The following KHDRBS3 variants were observed in gnomAD, a reference collection of about 807,000 sequenced individuals.
KHDRBS3 encodes KH RNA binding domain containing, signal transduction associated 3, also known as KH domain-containing, RNA-binding, signal transduction-associated protein 3.
KHDRBS3 carries 23 observed loss-of-function variants against 45.6 expected under a neutral mutation model. The ratio of observed to expected loss-of-function variants is 0.50; its 90% CI spans 0.36 to 0.72. The LOEUF (loss-of-function observed/expected upper bound fraction) is 0.72, where lower values mean the gene tolerates loss of function less well. Among genes scored for constraint, KHDRBS3 ranks in the 30% least tolerant of loss-of-function variants. The pLI is 0.00. For missense variants in KHDRBS3, 352 were observed against 424.8 expected (o/e 0.83, Z 1.51); for synonymous variants, 162 against 156.5 (o/e 1.04, Z -0.26).
intron 2 of KHDRBS3, among the ~76,000 whole-genome samples, chr8:135,524,515 T>C (rs915070679): frequency 6.6e-6 from 1 of 152,202 alleles, no homozygotes; most frequent in Non-Finnish European, 1.5e-5. Flanking sequence ...GGTATGACAC[T>C]AGACAGATTT....
At position 135,566,828 on chromosome 8, in the gene KHDRBS3, A is replaced by G. The variant is rs994234157; in HGVS notation, c.611+9241A>G. Among the ~76,000 whole-genome samples the G allele has an allele frequency of 2.6e-5, 4 of 152,236 alleles. No individual in the cohort carries two copies. The South Asian group carries it at 8.3e-4, about 31-fold the overall frequency. ...TTGCAGTGAGCCGAGATGGTTATAA[A>G]AACAAAAAGTTCTGTTTGAATATTC... is the stretch of plus-strand genomic sequence containing the variant. On this transcript the variant is annotated intron_variant, in intron 5 of 8. Coordinates refer to ENST00000355849, the MANE Select transcript of KHDRBS3 (RefSeq NM_006558.3).
intron 3 of KHDRBS3, among the ~76,000 whole-genome samples, chr8:135,547,595 TC>T (rs1177517035): frequency 6.6e-6 from 1 of 152,138 alleles, no homozygotes; most frequent in Non-Finnish European, 1.5e-5. Flanking sequence ...TTCAAATTAG[TC>T]AAGTAACAGA....
At chr8:135,590,831 G>T (rs2130961037) in intron 6 of KHDRBS3, among the ~76,000 whole-genome samples, 1 of 152,274 alleles carries the variant, frequency 6.6e-6, no homozygotes, top group Non-Finnish European at 1.5e-5. Context: ...AATTATGATT[G>T]CATCAGCTCT....
chr8:135,578,469 G>T (rs1189637049), intron 5 of KHDRBS3, among the ~76,000 whole-genome samples: 2 of 148,454 alleles, frequency 1.3e-5, no homozygotes, highest in South Asian at 2.1e-4. Context: ...TATACCATTT[G>T]TTGAAAAAAA....
At chr8:135,525,804 C>A (rs1318339598) in intron 2 of KHDRBS3, among the ~76,000 whole-genome samples, 2 of 152,078 alleles carry the variant, frequency 1.3e-5, no homozygotes, top group African/African-American at 4.8e-5. Flanking sequence ...AGATTATAGA[C>A]CCTGTCTTTA....
At chr8:135,584,011 C>T (rs750820433) in intron 6 of KHDRBS3, among the ~76,000 whole-genome samples, 1 of 152,188 alleles carries the variant, frequency 6.6e-6, no homozygotes, top group African/African-American at 2.4e-5. Context: ...GATTAATTTA[C>T]TCCCTTTTCC....
At chr8:135,458,543 C>T (rs952595296) in intron 1 of KHDRBS3, 9 of 278,562 alleles carry the variant, frequency 3.2e-5, no homozygotes, top group South Asian at 2.6e-4. Flanking sequence ...AGCCCTTTGT[C>T]TCTCCTGTGT....
intron 1 of KHDRBS3, among the ~76,000 whole-genome samples, chr8:135,503,971 A>T (rs1322081673): frequency 2.6e-5 from 4 of 152,090 alleles, no homozygotes; most frequent in Non-Finnish European, 5.9e-5. Flanking sequence ...AGAGTTTGTT[A>T]TGTGTGGTTT....
At chr8:135,594,718 C>A (rs1828896651) in intron 6 of KHDRBS3, among the ~76,000 whole-genome samples, 1 of 152,122 alleles carries the variant, frequency 6.6e-6, no homozygotes, top group South Asian at 2.1e-4. Flanking sequence ...GCTAGAATGA[C>A]TAAAATTAAA....
intron 1 of KHDRBS3, among the ~76,000 whole-genome samples, chr8:135,509,132 A>G (rs1586632176): frequency 6.6e-6 from 1 of 152,230 alleles, no homozygotes; most frequent in East Asian, 1.9e-4. Flanking sequence ...TCTTTTACAT[A>G]TCTTAGTAAA....
intron 2 of KHDRBS3, among the ~76,000 whole-genome samples, chr8:135,532,979 A>G (rs1825555573): frequency 6.6e-6 from 1 of 152,206 alleles, no homozygotes; most frequent in Admixed American, 6.5e-5. Flanking sequence ...AAAACGGAGG[A>G]TATAAAGAAT....
At chr8:135,608,047 C>G (rs1829544694) in intron 7 of KHDRBS3, among the ~76,000 whole-genome samples, 1 of 152,120 alleles carries the variant, frequency 6.6e-6, no homozygotes, top group South Asian at 2.1e-4. Context: ...GAGGGTAGAC[C>G]TAACACTTAC....
chr8:135,563,838 G>T (rs926800218), intron 5 of KHDRBS3, among the ~76,000 whole-genome samples: 1 of 152,118 alleles, frequency 6.6e-6, no homozygotes, highest in African/African-American at 2.4e-5. Flanking sequence ...CTTTTCCATT[G>T]ACCTTTGCTC....
chr8:135,502,622 A>G (rs1823788553), intron 1 of KHDRBS3, among the ~76,000 whole-genome samples: 1 of 152,208 alleles, frequency 6.6e-6, no homozygotes, highest in South Asian at 2.1e-4. Flanking sequence ...TAGGGTCGGC[A>G]TCATATTACA....
chr8:135,501,107 T>C (rs1823713817), intron 1 of KHDRBS3, among the ~76,000 whole-genome samples: 1 of 152,230 alleles, frequency 6.6e-6, no homozygotes, highest in Non-Finnish European at 1.5e-5. Context: ...GTCTGCTGTT[T>C]GGTAGGCTCT....
intron 7 of KHDRBS3, among the ~76,000 whole-genome samples, chr8:135,623,524 G>C (rs1830233589): frequency 6.6e-6 from 1 of 151,100 alleles, no homozygotes; most frequent in Admixed American, 6.6e-5. Context: ...ACTGTTGTTG[G>C]TATTTATTTT....
intron 5 of KHDRBS3, among the ~76,000 whole-genome samples, chr8:135,568,248 A>G (rs1192502471): frequency 2.0e-5 from 3 of 152,194 alleles, no homozygotes; most frequent in Non-Finnish European, 4.4e-5. Context: ...ACCATTATAC[A>G]ATAAAAACTA....
chr8:135,630,628 C>G (rs181751670), intron 7 of KHDRBS3, among the ~76,000 whole-genome samples: 22 of 152,254 alleles, frequency 1.4e-4, no homozygotes, highest in African/African-American at 5.1e-4. Flanking sequence ...TAATGCACAC[C>G]TAGGCTAGAT....
intron 4 of KHDRBS3, among the ~76,000 whole-genome samples, chr8:135,554,366 G>A (rs1250326078): frequency 1.3e-5 from 2 of 151,890 alleles, no homozygotes; most frequent in Admixed American, 6.6e-5. Context: ...ACTTTTCAGC[G>A]GGTCAAATAT....
Sources: gnomAD v4.1 joint callset for allele counts (sites outside exome capture counted in the v4.1 genomes callset) on GRCh38, gnomAD v4.1.1 for gene constraint, MANE v1.5 for transcripts, NCBI Gene and HGNC (gene_info 2026-07-23, HGNC 2026-07-21) for gene names.